GHR: variants seen among roughly 807,000 people sequenced by gnomAD.
GHR encodes the protein growth hormone receptor.
GHR carries 35 observed loss-of-function variants against 67.1 expected under a neutral mutation model. The observed-to-expected ratio is 0.52, with a 90% CI of 0.40 to 0.69. The LOEUF (loss-of-function observed/expected upper bound fraction) is 0.69. Ranked by LOEUF, GHR falls within the 30% of genes least tolerant of loss-of-function variation. The pLI is 0.00. For missense variants in GHR, 792 were observed against 764.6 expected, an observed-to-expected ratio of 1.04 and a Z score of -0.42; for synonymous variants, 272 against 269.1, an observed-to-expected ratio of 1.01 and a Z score of -0.10.
intron 2 of GHR, among the ~76,000 whole-genome samples, chr5:42,578,395 A>T (rs1245858736): frequency 6.6e-6 from 1 of 152,238 alleles, no homozygotes; most frequent in African/African-American, 2.4e-5. Context: ...TTTGTTACTC[A>T]TCTAAGATTT....
intron 3 of GHR, among the ~76,000 whole-genome samples, chr5:42,649,964 T>A (rs1580125499): frequency 6.6e-6 from 1 of 152,184 alleles, no homozygotes; most frequent in Non-Finnish European, 1.5e-5. Context: ...GCTCTTTCCT[T>A]TAAGAAATAT....
intron 3 of GHR, among the ~76,000 whole-genome samples, chr5:42,656,924 T>C (rs888446164): frequency 7.9e-5 from 12 of 152,164 alleles, no homozygotes; most frequent in African/African-American, 1.2e-4. Flanking sequence ...TAGTTGAATA[T>C]CAGTACTCAA....
chr5:42,691,129 T>A (rs1012270414), intron 4 of GHR, among the ~76,000 whole-genome samples: 1 of 136,088 alleles, frequency 7.3e-6, no homozygotes, highest in Non-Finnish European at 1.6e-5. Context: ...CATCTCTGGT[T>A]CAAATCCAGG....
intron 1 of GHR, among the ~76,000 whole-genome samples, chr5:42,504,652 G>C (rs1442166241): frequency 1.3e-5 from 2 of 152,054 alleles, no homozygotes; most frequent in Non-Finnish European, 2.9e-5. Flanking sequence ...CCAGCTACTC[G>C]GGAGGCTGAG....
chr5:42,464,770 T>G (rs974119555), intron 1 of GHR, among the ~76,000 whole-genome samples: 1 of 152,196 alleles, frequency 6.6e-6, no homozygotes, highest in Non-Finnish European at 1.5e-5. Context: ...TGGCTGTGTG[T>G]GCACACACAC....
intron 1 of GHR, among the ~76,000 whole-genome samples, chr5:42,431,952 A>G (rs996409919): frequency 5.3e-5 from 8 of 152,208 alleles, no homozygotes; most frequent in African/African-American, 1.9e-4. Context: ...GGGATTCAGC[A>G]CAGGTGTAGA....
intron 1 of GHR, chr5:42,468,528 C>T (rs1212927280): frequency 5.0e-6 from 4 of 804,640 alleles, no homozygotes; most frequent in Non-Finnish European, 8.0e-6. Context: ...TCAGCTCCTA[C>T]TGGCACGAGA....
At chr5:42,522,701 G>A (rs1012867218) in intron 1 of GHR, among the ~76,000 whole-genome samples, 3 of 152,130 alleles carry the variant, frequency 2.0e-5, no homozygotes, top group Non-Finnish European at 4.4e-5. Context: ...TGGGGTTACT[G>A]TTTGAGCAAC....
intron 1 of GHR, among the ~76,000 whole-genome samples, chr5:42,560,952 T>A (rs1193762225): frequency 6.6e-6 from 1 of 152,198 alleles, no homozygotes; most frequent in Admixed American, 6.5e-5. Context: ...TTTGCACAAA[T>A]CTGAGTTTCT....
intron 2 of GHR, among the ~76,000 whole-genome samples, chr5:42,587,663 G>GTTTTTTTTGTT (rs1001933180): frequency 2.0e-5 from 3 of 150,814 alleles, no homozygotes; most frequent in Non-Finnish European, 4.4e-5. Context: ...AAGATTTGGG[G>GTTTTTTTTGTT]TTTTTTTTGT....
At position 42,676,057 on chromosome 5, in the gene GHR, C is replaced by T. The variant is rs528868454; in HGVS notation, c.137-12833C>T. Among the ~76,000 whole-genome samples the T allele has an allele frequency of 3.3e-5, 5 of 152,190 alleles. No homozygotes were observed. The South Asian group carries it at 1.0e-3, about 32-fold the overall frequency. ...ATCCCAGCACTTTGGGAGGCCAAGG[C>T]GGGAAGATCATGAGGTCAGGAGATC... On this transcript the variant is annotated intron_variant, in intron 3 of 9. Transcript: ENST00000230882.
intron 2 of GHR, among the ~76,000 whole-genome samples, chr5:42,567,844 G>C (rs561805527): frequency 6.7e-6 from 1 of 149,700 alleles, no homozygotes; most frequent in South Asian, 2.1e-4. Flanking sequence ...CTAATGAATG[G>C]GTTCATGGGT....
At chr5:42,604,820 G>A (rs1488955621) in intron 2 of GHR, among the ~76,000 whole-genome samples, 2 of 150,988 alleles carry the variant, frequency 1.3e-5, no homozygotes, top group East Asian at 3.9e-4. Context: ...CTTTGTTCAT[G>A]CATTGCTCAC....
chr5:42,547,999 C>T, intron 1 of GHR: 1 of 685,914 alleles, frequency 1.5e-6, no homozygotes, highest in Non-Finnish European at 1.8e-6. Context: ...TCACTGCTTT[C>T]TACCCATCCA....
chr5:42,432,999 T>C (rs941143319), intron 1 of GHR, among the ~76,000 whole-genome samples: 1 of 152,224 alleles, frequency 6.6e-6, no homozygotes, highest in African/African-American at 2.4e-5. Context: ...ATCAGGTTCA[T>C]AATGCAAATT....
Position 42,482,823 on chromosome 5 carries a change from C to T in GHR, c.-12+58868C>T, listed in dbSNP as rs370691972. On this transcript the variant is annotated intron_variant, in intron 1 of 9. Coordinates refer to ENST00000230882, the MANE Select transcript of GHR (RefSeq NM_000163.5). Reference sequence around the variant, plus strand: ...GGAAAGGGAATTCCCTGACCTCTTGCGCTTCCCAGGTGAGGCGATGCCTCG... The same window carrying T: ...GGAAAGGGAATTCCCTGACCTCTTGTGCTTCCCAGGTGAGGCGATGCCTCG... 2.6e-4 allele frequency among the ~76,000 whole-genome samples: 40 copies of T among 152,310 alleles called. No homozygotes were observed. In the East Asian group the frequency reaches 3.1e-3, roughly 12 times the overall value.
intron 5 of GHR, 146 bp downstream of exon 5, chr5:42,695,235 A>T: frequency 1.4e-6 from 1 of 693,428 alleles, no homozygotes; most frequent in South Asian, 1.6e-5. Context: ...AGATGGGATC[A>T]GCTGGTGAAC....
At chr5:42,688,759 C>T (rs1757277353) in intron 3 of GHR, 131 bp from the exon 4 acceptor site, 1 of 871,700 alleles carries the variant, frequency 1.1e-6, no homozygotes, top group Non-Finnish European at 1.9e-6. Flanking sequence ...AAGACATCGG[C>T]ATTACCTCCT....
rs41432450 is a variant in GHR at position 42,467,158 on chromosome 5, C to A, written c.-12+43203C>A. 1.9e-5 allele frequency: 30 copies of A among 1,599,608 alleles called. 1 individual carries two copies. The highest frequency in any genetic ancestry group is 1.7e-4 in the Middle Eastern group (1 of 5,936). On this transcript the variant is annotated intron_variant, in intron 1 of 9. Coordinates refer to ENST00000230882, the MANE Select transcript of GHR (RefSeq NM_000163.5). ...AAAAGGAAGATCTCCACTGTGAATTCTCTGGTGGACAAAAAGGCAAGAGAG... is the reference window on the plus strand; with the variant it reads ...AAAAGGAAGATCTCCACTGTGAATTATCTGGTGGACAAAAAGGCAAGAGAG...
Sources: gnomAD v4.1 joint callset for allele counts (sites outside exome capture counted in the v4.1 genomes callset) on GRCh38, gnomAD v4.1.1 for gene constraint, MANE v1.5 for transcripts, NCBI Gene and HGNC (gene_info 2026-07-23, HGNC 2026-07-21) for gene names.